GNAZ: variants seen among roughly 807,000 people sequenced by gnomAD.
GNAZ encodes the protein guanine nucleotide-binding protein G(z) subunit alpha.
A neutral mutation model predicts 25.4 loss-of-function variants in GNAZ; 3 were observed. The ratio of observed to expected loss-of-function variants is 0.12; its 90% confidence interval spans 0.05 to 0.30. The LOEUF (loss-of-function observed/expected upper bound fraction) is 0.30. GNAZ is among the 10% of genes least tolerant of loss of function. GNAZ has a pLI of 1.00. For missense variants in GNAZ, 241 were observed against 501.8 expected, an observed-to-expected ratio of 0.48 and a Z score of 4.97; for synonymous variants, 211 against 205.7, an observed-to-expected ratio of 1.03 and a Z score of -0.22.
In GNAZ at chr22:23,124,337, C is replaced by T; in HGVS notation, c.*906C>T. 3 of 397,112 alleles carry T rather than the reference C, an allele frequency of 7.6e-6. No individual in the cohort carries two copies. Among genetic ancestry groups the T allele is most frequent in the Non-Finnish European group, 1.6e-5 (3 of 188,640 alleles). The allele number at this position is 397,112 out of a possible 1,614,324, so 24.6% of individuals were successfully genotyped here. Reference sequence around the variant, plus strand: ...CAAAACATATTTTTTTTCAGGTGGTCTTTTTTGTGTCTGGCTTGCTGAGTG... The same window carrying T: ...CAAAACATATTTTTTTTCAGGTGGTTTTTTTTGTGTCTGGCTTGCTGAGTG... On this transcript the variant is annotated 3_prime_UTR_variant, in exon 3 of 3. Transcript: ENST00000615612.
At chr22:23,097,742 G>C (rs1486454726) in intron 2 of GNAZ, among the ~76,000 whole-genome samples, 1 of 152,280 alleles carries the variant, frequency 6.6e-6, no homozygotes, top group Non-Finnish European at 1.5e-5. Context: ...AGGCTCCCTT[G>C]ATGAGGCATG....
chr22:23,099,277 G>C (rs1004888118), intron 2 of GNAZ, among the ~76,000 whole-genome samples: 2 of 152,258 alleles, frequency 1.3e-5, no homozygotes, highest in Non-Finnish European at 2.9e-5. Context: ...AGATTTCCGG[G>C]TGTCTGTGGA....
intron 2 of GNAZ, 137 bp downstream of exon 2, chr22:23,096,555 T>C: frequency 2.2e-6 from 2 of 895,112 alleles, no homozygotes; most frequent in South Asian, 3.3e-5. Flanking sequence ...GCACGATAAC[T>C]GAGGCAGCTC....
intron 1 of GNAZ, among the ~76,000 whole-genome samples, chr22:23,091,667 C>T (rs2068983640): frequency 6.6e-6 from 1 of 152,152 alleles, no homozygotes; most frequent in Non-Finnish European, 1.5e-5. Context: ...TACATGCACA[C>T]ACACCACAGT....
chr22:23,075,246 T>C (rs1298657077), intron 1 of GNAZ, among the ~76,000 whole-genome samples: 4 of 152,180 alleles, frequency 2.6e-5, no homozygotes, highest in African/African-American at 9.6e-5. Flanking sequence ...CGTTGGACTT[T>C]CAGGGCCGCT....
chr22:23,086,345 C>T (rs2068820158), intron 1 of GNAZ, among the ~76,000 whole-genome samples: 1 of 152,220 alleles, frequency 6.6e-6, no homozygotes, highest in South Asian at 2.1e-4. Flanking sequence ...GCCGTAAAGC[C>T]GAGGCCACCT....
intron 1 of GNAZ, among the ~76,000 whole-genome samples, chr22:23,073,726 TCA>T (rs1234705033): frequency 2.0e-5 from 3 of 152,146 alleles, no homozygotes; most frequent in Non-Finnish European, 2.9e-5. Context: ...GAGCAGAACC[TCA>T]CGCGATTCAT....
chr22:23,101,895 A>G (rs984479417), intron 2 of GNAZ, among the ~76,000 whole-genome samples: 1 of 152,168 alleles, frequency 6.6e-6, no homozygotes, highest in Non-Finnish European at 1.5e-5. Flanking sequence ...GCAGGCATGG[A>G]ATTGGGAGCA....
At chr22:23,083,175 G>A (rs924149679) in intron 1 of GNAZ, among the ~76,000 whole-genome samples, 7 of 152,136 alleles carry the variant, frequency 4.6e-5, no homozygotes, top group Non-Finnish European at 1.0e-4. Context: ...AGAGGGGCAG[G>A]TGTGATGCAC....
At chr22:23,074,629 G>C (rs1326357165) in intron 1 of GNAZ, among the ~76,000 whole-genome samples, 1 of 152,198 alleles carries the variant, frequency 6.6e-6, no homozygotes, top group Non-Finnish European at 1.5e-5. Flanking sequence ...GGGTAGGTAG[G>C]ATCAGAAGAG....
At chr22:23,091,919 G>A (rs1323309612) in intron 1 of GNAZ, among the ~76,000 whole-genome samples, 1 of 152,034 alleles carries the variant, frequency 6.6e-6, no homozygotes, top group Non-Finnish European at 1.5e-5. Flanking sequence ...TTTGTGTTAG[G>A]GATGGTTTGT....
intron 2 of GNAZ, among the ~76,000 whole-genome samples, chr22:23,105,890 T>G (rs995998857): frequency 5.3e-5 from 8 of 152,316 alleles, no homozygotes; most frequent in South Asian, 2.1e-4. Flanking sequence ...GTCCTCCCAG[T>G]TGGGCAGGAG....
intron 2 of GNAZ, among the ~76,000 whole-genome samples, chr22:23,106,644 T>C (rs912008882): frequency 1.3e-5 from 2 of 152,212 alleles, no homozygotes; most frequent in African/African-American, 2.4e-5. Flanking sequence ...GGATAACATG[T>C]GTGTGCTGGC....
chr22:23,104,733 G>A (rs929098071), intron 2 of GNAZ, among the ~76,000 whole-genome samples: 1 of 151,526 alleles, frequency 6.6e-6, no homozygotes, highest in Non-Finnish European at 1.5e-5. Context: ...GCCACTCAGG[G>A]GAGTCCTGTG....
chr22:23,082,573 A>C (rs893796913), intron 1 of GNAZ, among the ~76,000 whole-genome samples: 1 of 151,986 alleles, frequency 6.6e-6, no homozygotes, highest in Non-Finnish European at 1.5e-5. Context: ...ATTCCATAAT[A>C]CTTGGAAAGG....
At chr22:23,108,156 C>T (rs2069538181) in intron 2 of GNAZ, among the ~76,000 whole-genome samples, 1 of 152,236 alleles carries the variant, frequency 6.6e-6, no homozygotes, top group African/African-American at 2.4e-5. Context: ...CAGGCAATCC[C>T]AACCCCTGCC....
At chr22:23,113,218 A>C (rs2069707692) in intron 2 of GNAZ, among the ~76,000 whole-genome samples, 1 of 152,208 alleles carries the variant, frequency 6.6e-6, no homozygotes, top group African/African-American at 2.4e-5. Context: ...TCTTTACAAC[A>C]GCTGGGGCCC....
At chr22:23,073,902 C>G (rs1417003569) in intron 1 of GNAZ, among the ~76,000 whole-genome samples, 2 of 149,750 alleles carry the variant, frequency 1.3e-5, no homozygotes, top group African/African-American at 4.9e-5. Context: ...GTGGAGAACA[C>G]TAAAGCAGAA....
intron 1 of GNAZ, among the ~76,000 whole-genome samples, chr22:23,083,419 G>A (rs996704331): frequency 1.3e-5 from 2 of 152,258 alleles, no homozygotes; most frequent in East Asian, 3.9e-4. Flanking sequence ...TGCTGGGAAA[G>A]GTCATTTTAG....
Sources: allele counts gnomAD v4.1 joint callset (sites outside exome capture counted in the v4.1 genomes callset), GRCh38; gene constraint gnomAD v4.1.1; transcripts MANE v1.5; gene names NCBI Gene and HGNC (gene_info 2026-07-23, HGNC 2026-07-21).